The following LARGE1 variants were observed in gnomAD, a reference collection of about 807,000 sequenced individuals.
LARGE1 encodes the protein xylosyl- and glucuronyltransferase LARGE1.
Under a neutral mutation model 87.6 loss-of-function variants are expected in LARGE1, and 43 were observed. The ratio of observed to expected loss-of-function variants is 0.49; its 90% CI spans 0.38 to 0.63. The LOEUF (loss-of-function observed/expected upper bound fraction) is 0.63. LARGE1 is among the 30% of genes least tolerant of loss of function. The pLI, the probability that LARGE1 is intolerant of heterozygous loss-of-function variation, is 0.00. For missense variants in LARGE1, 802 were observed against 1,000.2 expected (o/e 0.80, Z 2.67); for synonymous variants, 434 against 394.6 (o/e 1.10, Z -1.18).
chr22:33,712,159 A>G (rs994350282), intron 2 of LARGE1, among the ~76,000 whole-genome samples: 1 of 152,162 alleles, frequency 6.6e-6, no homozygotes, highest in South Asian at 2.1e-4. Context: ...TTGAGTCTGG[A>G]GAGCATTAAC....
rs713795 is a variant in LARGE1 at position 33,564,690 on chromosome 22, A to G, written c.787+158T>C. Among the ~76,000 whole-genome samples the G allele has an allele frequency of 0.4, 61,049 of 152,180 alleles. 13,748 individuals carry two copies. The highest frequency in any genetic ancestry group is 0.51 in the Non-Finnish European group (34,552 of 67,982). On this transcript the variant is annotated intron_variant, in intron 6 of 14. Transcript: ENST00000397394. ...TTTACTCTATTATTTTTCAAATCCA[A>G]GCAGAGTTGATATTGAACCATATTT... is the stretch of plus-strand genomic sequence containing the variant.
chr22:33,271,623 C>T (rs937465575), downstream of LARGE1, among the ~76,000 whole-genome samples: 9 of 152,212 alleles, frequency 5.9e-5, no homozygotes, highest in Admixed American at 5.9e-4. Flanking sequence ...CTGTTTTACC[C>T]CCCAGGGAAT....
At chr22:33,265,843 T>G (rs1407009970) in intron 11 of LARGE1, among the ~76,000 whole-genome samples, 1 of 152,194 alleles carries the variant, frequency 6.6e-6, no homozygotes, top group Non-Finnish European at 1.5e-5. Context: ...GACAGTGTTA[T>G]GTGTGGTCCT....
At chr22:33,587,859 CA>C (rs765549374) in intron 5 of LARGE1, among the ~76,000 whole-genome samples, 6 of 151,926 alleles carry the variant, frequency 3.9e-5, no homozygotes, top group Non-Finnish European at 8.8e-5. Context: ...TCAATCAATA[CA>C]AAATTTATTT....
intron 5 of LARGE1, among the ~76,000 whole-genome samples, chr22:33,579,917 G>C (rs1374911346): frequency 1.3e-5 from 2 of 152,168 alleles, no homozygotes; most frequent in African/African-American, 4.8e-5. Context: ...GCACAGAATT[G>C]CTGAGTTCCT....
chr22:33,454,263 G>T (rs891362156), intron 6 of LARGE1, among the ~76,000 whole-genome samples: 2 of 152,124 alleles, frequency 1.3e-5, no homozygotes, highest in African/African-American at 4.8e-5. Context: ...GTTCAGGTAT[G>T]TATTAGTCCA....
intron 7 of LARGE1, among the ~76,000 whole-genome samples, chr22:33,404,800 G>C (rs887017463): frequency 6.6e-6 from 1 of 152,192 alleles, no homozygotes; most frequent in African/African-American, 2.4e-5. Flanking sequence ...AAGGGGGAAG[G>C]GGGTTGGAGC....
the LARGE1 span, among the ~76,000 whole-genome samples, chr22:33,146,000 AC>A: frequency 1.5e-4 from 23 of 152,204 alleles, no homozygotes; most frequent in African/African-American, 5.5e-4. Context: ...TATTGAATAC[AC>A]CATGAAAACT....
At chr22:33,123,322 T>C in the LARGE1 span, among the ~76,000 whole-genome samples, 1 of 152,208 alleles carries the variant, frequency 6.6e-6, no homozygotes. Context: ...TAGGCCAAAT[T>C]TGTTGATTCC....
chr22:33,839,445 C>A (rs1235488772), intron 1 of LARGE1, among the ~76,000 whole-genome samples: 1 of 152,206 alleles, frequency 6.6e-6, no homozygotes, highest in Non-Finnish European at 1.5e-5. Flanking sequence ...AGGAGACAAA[C>A]ATCCAAACCA....
At chr22:33,400,782 G>T (rs144811060) in intron 7 of LARGE1, among the ~76,000 whole-genome samples, 1 of 152,172 alleles carries the variant, frequency 6.6e-6, no homozygotes, top group Non-Finnish European at 1.5e-5. Flanking sequence ...TCACTCATTC[G>T]CATGCTCAGA....
chr22:33,622,982 A>G (rs2079803168), intron 4 of LARGE1, among the ~76,000 whole-genome samples: 1 of 152,182 alleles, frequency 6.6e-6, no homozygotes, highest in Non-Finnish European at 1.5e-5. Flanking sequence ...TACAATTTCA[A>G]CAACTATTAG....
chr22:33,819,412 A>C (rs1218047310), intron 1 of LARGE1, among the ~76,000 whole-genome samples: 1 of 151,974 alleles, frequency 6.6e-6, no homozygotes, highest in Non-Finnish European at 1.5e-5. Flanking sequence ...TCCTCTAACA[A>C]TCTCAGGTTT....
intron 12 of LARGE1, among the ~76,000 whole-genome samples, chr22:33,288,866 G>C (rs997698561): frequency 2.0e-5 from 3 of 152,120 alleles, no homozygotes. Context: ...CCTATGCACA[G>C]GTTCAAAGTT....
chr22:33,590,253 T>A (rs1453331109), intron 5 of LARGE1, among the ~76,000 whole-genome samples: 1 of 152,246 alleles, frequency 6.6e-6, no homozygotes, highest in Non-Finnish European at 1.5e-5. Flanking sequence ...ATATATTTTA[T>A]TGTATTTGAT....
chr22:33,480,065 A>G (rs2069249676), intron 6 of LARGE1, among the ~76,000 whole-genome samples: 2 of 152,256 alleles, frequency 1.3e-5, no homozygotes, highest in South Asian at 4.2e-4. Flanking sequence ...TTATCGGTCA[A>G]GCAATGTACA....
chr22:33,367,580 C>T (rs963998720), intron 9 of LARGE1, among the ~76,000 whole-genome samples: 7 of 151,984 alleles, frequency 4.6e-5, no homozygotes, highest in South Asian at 2.1e-4. Context: ...CTGCCCCACT[C>T]CCATCCCCCC....
intron 10 of LARGE1, among the ~76,000 whole-genome samples, chr22:33,318,637 A>G (rs909823487): frequency 6.6e-6 from 1 of 152,216 alleles, no homozygotes; most frequent in Non-Finnish European, 1.5e-5. Context: ...TAGGAGATAT[A>G]CCTAATGTTA....
intron 1 of LARGE1, among the ~76,000 whole-genome samples, chr22:33,767,991 G>T (rs2084956050): frequency 6.6e-6 from 1 of 152,216 alleles, no homozygotes; most frequent in East Asian, 1.9e-4. Context: ...GAAAGAGCTG[G>T]ACATCACCGA....
Sources: allele counts gnomAD v4.1 joint callset (sites outside exome capture counted in the v4.1 genomes callset), GRCh38; gene constraint gnomAD v4.1.1; transcripts MANE v1.5; gene names NCBI Gene and HGNC (gene_info 2026-07-23, HGNC 2026-07-21).